CHAT: variants seen among roughly 807,000 people sequenced by gnomAD.
CHAT encodes acetyl CoA:choline O-acetyltransferase.
In CHAT, 61 loss-of-function variants were observed where a neutral mutation model predicts 76.9. The ratio of observed to expected loss-of-function variants is 0.79; its 90% CI spans 0.65 to 0.98. The LOEUF (loss-of-function observed/expected upper bound fraction) is 0.98, where lower values mean the gene tolerates loss of function less well. Among genes scored for constraint, CHAT ranks in the 50% least tolerant of loss-of-function variants. CHAT has a pLI of 0.00. For missense variants in CHAT, 946 were observed against 986.9 expected, an observed-to-expected ratio of 0.96 and a Z score of 0.56; for synonymous variants, 407 against 397.4, an observed-to-expected ratio of 1.02 and a Z score of -0.29.
rs1838624632 is a variant in CHAT, at chr10:49,619,660, C to T, written c.388-65C>T. The T allele has an allele frequency of 4.0e-6, 6 of 1,516,940 alleles. No homozygotes were observed. The South Asian group carries it at 5.7e-5, about 15-fold the overall frequency. 94.0% of individuals were successfully genotyped at this position (1,516,940 alleles called of 1,614,324 possible). A position where few individuals can be genotyped will look rare whatever the true frequency, so the allele number is the denominator to read the frequency against. ...GCAGAACAATACAGATACTAGGGACCAACTTGGGGACAGGCATGGGGCGCA... is the reference window on the plus strand; with the variant it reads ...GCAGAACAATACAGATACTAGGGACTAACTTGGGGACAGGCATGGGGCGCA... On this transcript the variant is annotated intron_variant, in intron 2 of 14. Coordinates refer to ENST00000337653, the MANE Select transcript of CHAT (RefSeq NM_020549.5).
At chr10:49,637,094 C>T (rs13376736) in intron 7 of CHAT, among the ~76,000 whole-genome samples, 5,162 of 151,232 alleles carry the variant, frequency 0.034, 276 homozygotes, top group African/African-American at 0.11. Context: ...AAAATAACTA[C>T]CTTTCTTTTT....
intron 4 of CHAT, 56 bp from the exon 5 acceptor site, chr10:49,622,039 AGG>A (rs142568102): frequency 6.7e-7 from 1 of 1,495,710 alleles, no homozygotes; most frequent in Non-Finnish European, 9.1e-7. Flanking sequence ...GAAGGGAGGG[AGG>A]GAGGGAGGAA....
chr10:49,628,016 G>A (rs1033329144), intron 7 of CHAT, among the ~76,000 whole-genome samples: 1 of 152,086 alleles, frequency 6.6e-6, no homozygotes, highest in East Asian at 1.9e-4. Context: ...AACTAGTGCT[G>A]GAATTGGGGA....
intron 8 of CHAT, 49 bp downstream of exon 8, chr10:49,646,723 G>C (rs1255091922): frequency 1.2e-6 from 2 of 1,601,010 alleles, no homozygotes; most frequent in Non-Finnish European, 1.7e-6. Context: ...CCCCCAGCGA[G>C]AGAGTGAGTA....
intron 7 of CHAT, among the ~76,000 whole-genome samples, chr10:49,638,209 T>C (rs1334264554): frequency 1.3e-5 from 2 of 152,236 alleles, no homozygotes; most frequent in African/African-American, 2.4e-5. Context: ...TCTGGTAAGT[T>C]TTCTTTGCTC....
intron 14 of CHAT, among the ~76,000 whole-genome samples, chr10:49,663,076 A>T (rs1239762063): frequency 6.6e-6 from 1 of 151,964 alleles, no homozygotes; most frequent in Non-Finnish European, 1.5e-5. Flanking sequence ...CCCTATTTTT[A>T]AAAATTAGCT....
chr10:49,664,199 C>T (rs763780527), intron 14 of CHAT, among the ~76,000 whole-genome samples: 2 of 152,160 alleles, frequency 1.3e-5, no homozygotes, highest in Non-Finnish European at 2.9e-5. Context: ...TACAAAATCT[C>T]AGCACTCTGA....
rs143640686 is a variant in CHAT, at chr10:49,634,568, G to A, written c.1111+6783G>A. 6.2e-4 allele frequency among the ~76,000 whole-genome samples: 94 copies of A among 152,226 alleles called. 1 individual carries two copies. The highest frequency in any genetic ancestry group is 3.9e-3 in the South Asian group (19 of 4,826). ...ATTTTGCTTTCCCTGGGCCCTCCAC[G>A]TACCACTCTCTCTGTGTGCACACAC... On this transcript the variant is annotated intron_variant, in intron 7 of 14. Transcript: ENST00000337653.
intron 7 of CHAT, among the ~76,000 whole-genome samples, chr10:49,644,222 T>A (rs529138447): frequency 8.5e-5 from 13 of 152,162 alleles, no homozygotes; most frequent in Admixed American, 7.2e-4. Context: ...TGCGTGATGA[T>A]GAGGAGATGG....
Position 49,667,633 on chromosome 10 carries a change from C to T in CHAT, c.*2587C>T, listed in dbSNP as rs544608832. ...GGGGACCCTGGGAAAGGAGCCTGCT[C>T]CAGGTGTCCCCAAAGAGATGGAAAA... On this transcript the variant is annotated 3_prime_UTR_variant, in exon 15 of 15. Transcript: ENST00000337653. Among the ~76,000 whole-genome samples the T allele has an allele frequency of 6.0e-4, 92 of 152,260 alleles. No homozygotes were observed. Among genetic ancestry groups the T allele is most frequent in the Admixed American group, 9.8e-4 (15 of 15,296 alleles).
At chr10:49,628,352 T>C (rs554209901) in intron 7 of CHAT, among the ~76,000 whole-genome samples, 6 of 152,228 alleles carry the variant, frequency 3.9e-5, no homozygotes, top group Non-Finnish European at 8.8e-5. Flanking sequence ...AATCCAAAGC[T>C]GGTCCTATTC....
At chr10:49,617,665 G>C (rs1302449436) in intron 2 of CHAT, among the ~76,000 whole-genome samples, 2 of 152,198 alleles carry the variant, frequency 1.3e-5, no homozygotes, top group Non-Finnish European at 2.9e-5. Flanking sequence ...AGCCAGACTT[G>C]TGGGCCCTTT....
At chr10:49,614,564 G>A in intron 1 of CHAT, 89 bp downstream of exon 1, 2 of 1,137,358 alleles carry the variant, frequency 1.8e-6, no homozygotes, top group South Asian at 1.4e-5. Context: ...CAGCACCGGG[G>A]CCGAGAGGCC....
chr10:49,638,432 C>A (rs1267185308), intron 7 of CHAT, among the ~76,000 whole-genome samples: 1 of 152,178 alleles, frequency 6.6e-6, no homozygotes, highest in African/African-American at 2.4e-5. Flanking sequence ...AACATTTACA[C>A]TTTACATAAT....
chr10:49,631,638 G>A (rs1312790521), intron 7 of CHAT, among the ~76,000 whole-genome samples: 1 of 152,184 alleles, frequency 6.6e-6, no homozygotes, highest in East Asian at 1.9e-4. Flanking sequence ...TGTTCAGTGG[G>A]TATCAGAGGA....
At chr10:49,622,002 G>C in intron 4 of CHAT, 95 bp from the exon 5 acceptor site, 1 of 1,415,848 alleles carries the variant, frequency 7.1e-7, no homozygotes, top group Non-Finnish European at 9.9e-7. Context: ...GGAGATGGAA[G>C]GAAGAGGGAA....
At chr10:49,648,257 C>T (rs1020641969) in intron 8 of CHAT, among the ~76,000 whole-genome samples, 3 of 152,170 alleles carry the variant, frequency 2.0e-5, no homozygotes, top group Non-Finnish European at 2.9e-5. Flanking sequence ...CTGCTCAGTC[C>T]GGGAACTTGG....
At chr10:49,662,188 G>C (rs1199411787) in intron 13 of CHAT, among the ~76,000 whole-genome samples, 1 of 152,164 alleles carries the variant, frequency 6.6e-6, no homozygotes, top group African/African-American at 2.4e-5. Context: ...GTCTGTTCAG[G>C]ACAGCCTGGG....
At chr10:49,617,302 T>C (rs1188016114) in intron 2 of CHAT, among the ~76,000 whole-genome samples, 3 of 151,976 alleles carry the variant, frequency 2.0e-5, no homozygotes, top group African/African-American at 7.3e-5. Flanking sequence ...TATTGTCACC[T>C]CTGGTCCACT....
Sources: gnomAD v4.1 joint callset for allele counts (sites outside exome capture counted in the v4.1 genomes callset) on GRCh38, gnomAD v4.1.1 for gene constraint, MANE v1.5 for transcripts, NCBI Gene and HGNC (gene_info 2026-07-23, HGNC 2026-07-21) for gene names.